SYCP2: variants seen among roughly 807,000 people sequenced by gnomAD.
SYCP2 encodes the protein synaptonemal complex lateral element protein.
In SYCP2, 55 loss-of-function variants were observed where a neutral mutation model predicts 211.3. The observed-to-expected ratio is 0.26, with a 90% CI of 0.21 to 0.33. SYCP2 has a LOEUF of 0.33. Ranked by LOEUF, SYCP2 falls within the 10% of genes least tolerant of loss-of-function variation. The pLI is 1.00. For missense variants in SYCP2, 1,731 were observed against 1,752.0 expected, an observed-to-expected ratio of 0.99 and a Z score of 0.21; for synonymous variants, 570 against 555.2, an observed-to-expected ratio of 1.03 and a Z score of -0.37.
At chr20:59,892,913 A>G (rs548083964) in intron 22 of SYCP2, among the ~76,000 whole-genome samples, 9 of 152,058 alleles carry the variant, frequency 5.9e-5, no homozygotes, top group African/African-American at 2.2e-4. Flanking sequence ...TTCATTGTTT[A>G]TACATTTTAA....
At chr20:59,876,072 CCTTT>C (rs1247658367) in intron 33 of SYCP2, among the ~76,000 whole-genome samples, 2 of 151,818 alleles carry the variant, frequency 1.3e-5, no homozygotes, top group Non-Finnish European at 2.9e-5. Flanking sequence ...TGGTAAACTT[CCTTT>C]AAGAAGTGAC....
At chr20:59,914,348 TAAG>T (rs531693447) in intron 10 of SYCP2, 97 bp from the exon 11 acceptor site, 358 of 602,986 alleles carry the variant, frequency 5.9e-4, no homozygotes, top group Non-Finnish European at 7.4e-4. Context: ...GCAAGAGAAA[TAAG>T]AATATATTAA....
At position 59,877,538 on chromosome 20, in the gene SYCP2, G is replaced by T. The variant is rs377578356; in HGVS notation, c.2997C>A (p.Ile999=). 9 of 1,590,648 alleles carry T rather than the reference G, an allele frequency of 5.7e-6. No homozygotes were observed. The highest frequency in any genetic ancestry group is 6.8e-6 in the Non-Finnish European group (8 of 1,174,326). Residue 999 remains isoleucine (I), a synonymous_variant, in exon 33 of 45, where the codon ATC becomes ATA. Coordinates refer to ENST00000357552, the MANE Select transcript of SYCP2 (RefSeq NM_014258.4). ...GAATTGTCTTGTCCATCTTTTTTGT[G>T]ATATTTTTACTGGGTGTCTTTAGGA... The part of the protein sequence containing the change: ...PSSKMTPSKN[I]TKKMDKTIPE...
intron 10 of SYCP2, 72 bp downstream of exon 10, chr20:59,915,093 T>C: frequency 4.0e-6 from 4 of 1,000,388 alleles, no homozygotes; most frequent in South Asian, 1.4e-5. Flanking sequence ...TATGCTAATA[T>C]TTAAATTAAA....
intron 30 of SYCP2, 80 bp from the exon 31 acceptor site, chr20:59,880,551 A>AC: frequency 1.3e-6 from 1 of 789,906 alleles, no homozygotes; most frequent in Non-Finnish European, 1.9e-6. Context: ...CAAAACAACA[A>AC]CAACAACAAA....
At chr20:59,882,316 T>G in intron 26 of SYCP2, 151 bp from the exon 27 acceptor site, 1 of 653,084 alleles carries the variant, frequency 1.5e-6, no homozygotes, top group East Asian at 2.7e-5. Context: ...CAATAACAGA[T>G]GCTAGTGAGG....
intron 2 of SYCP2, among the ~76,000 whole-genome samples, chr20:59,926,397 A>C (rs1283816320): frequency 6.6e-6 from 1 of 152,040 alleles, no homozygotes; most frequent in Non-Finnish European, 1.5e-5. Context: ...AGCTGCCGAC[A>C]TTCTTTGACT....
intron 2 of SYCP2, among the ~76,000 whole-genome samples, chr20:59,925,801 C>A: frequency 6.6e-6 from 1 of 152,072 alleles, no homozygotes; most frequent in East Asian, 1.9e-4. Flanking sequence ...CATGTAGGTA[C>A]TATAATTTAT....
At chr20:59,893,252 G>C (rs1176812058) in intron 21 of SYCP2, 53 bp from the exon 22 acceptor site, 2 of 1,179,874 alleles carry the variant, frequency 1.7e-6, no homozygotes. Context: ...AGTTGGCAGG[G>C]GGATAGGGAG....
At chr20:59,888,770 GAAGT>G (rs2059846130) in intron 24 of SYCP2, among the ~76,000 whole-genome samples, 2 of 151,932 alleles carry the variant, frequency 1.3e-5, no homozygotes. Context: ...AAAACTACTG[GAAGT>G]AATAAGCAAT....
chr20:59,920,884 T>G (rs2060528898), intron 4 of SYCP2, among the ~76,000 whole-genome samples: 1 of 151,696 alleles, frequency 6.6e-6, no homozygotes, highest in Non-Finnish European at 1.5e-5. Flanking sequence ...TTCTCATGTA[T>G]GAAAATGCCT....
chr20:59,929,882 G>A (rs935503798), intron 2 of SYCP2, among the ~76,000 whole-genome samples: 13 of 151,808 alleles, frequency 8.6e-5, no homozygotes, highest in Admixed American at 8.5e-4. Context: ...GAGGAGTGTA[G>A]TAAAGCATGG....
intron 18 of SYCP2, among the ~76,000 whole-genome samples, chr20:59,899,117 A>G (rs2060067751): frequency 6.6e-6 from 1 of 152,192 alleles, no homozygotes; most frequent in African/African-American, 2.4e-5. Flanking sequence ...ACAAAGTCCT[A>G]CGAGGAGGCT....
At chr20:59,903,114 T>C (rs1299416171) in intron 15 of SYCP2, among the ~76,000 whole-genome samples, 1 of 152,148 alleles carries the variant, frequency 6.6e-6, no homozygotes, top group African/African-American at 2.4e-5. Context: ...AAAATTTGTC[T>C]ACCTATGTTA....
chr20:59,886,713 A>T lies in SYCP2; in HGVS notation c.2486T>A (p.Ile829Asn). The change falls in exon 25 of 45, where the codon ATT becomes AAT. Residue 829 changes from isoleucine to asparagine, a missense_variant. Coordinates refer to ENST00000357552, the MANE Select transcript of SYCP2 (RefSeq NM_014258.4). ...KSTRKLKESL[I>N]NSGFSNKPVV... ...CTGAAATTTAAGAACATACCTGTTA[A>T]TCAAAGACTCCTTTAATTTTCTTGT... 1 of 1,557,970 alleles carries T rather than the reference A, an allele frequency of 6.4e-7. No homozygotes were observed.
intron 24 of SYCP2, among the ~76,000 whole-genome samples, chr20:59,889,667 G>A (rs6071003): frequency 0.02 from 3,084 of 151,862 alleles, 42 homozygotes; most frequent in Middle Eastern, 0.041. Context: ...TAAGATTATC[G>A]GAGTGGTTTA....
chr20:59,917,151 G>A (rs2060458589), intron 7 of SYCP2, among the ~76,000 whole-genome samples: 1 of 151,776 alleles, frequency 6.6e-6, no homozygotes, highest in Non-Finnish European at 1.5e-5. Flanking sequence ...TTTAGATTAA[G>A]TAAATATAGT....
At chr20:59,884,471 A>T (rs138205662) in intron 26 of SYCP2, among the ~76,000 whole-genome samples, 81 of 152,218 alleles carry the variant, frequency 5.3e-4, no homozygotes, top group African/African-American at 1.9e-3. Flanking sequence ...ATCACTAAAT[A>T]ATTGATTACT....
In SYCP2 at chr20:59,900,811, A is replaced by T; in HGVS notation, c.1190T>A (p.Ile397Asn). Reference protein sequence around the residue: ...IFGATKHRESIRKQGISVAKT... With the variant: ...IFGATKHRESNRKQGISVAKT... ...GGCAACTGAAATACCTTGTTTTCTG[A>T]TAGATTCCTAAAATTAAATCAATTC... Residue 397 changes from isoleucine (I) to asparagine (N), a missense_variant, in exon 17 of 45, where the codon ATC becomes AAC. This residue lies in a region of SYCP2 where 1,387 missense variants were observed against 1,351.3 expected (regional missense o/e 1.03). Coordinates refer to ENST00000357552, the MANE Select transcript of SYCP2 (RefSeq NM_014258.4). The T allele has an allele frequency of 6.2e-7, 1 of 1,609,318 alleles. No homozygotes were observed. The highest frequency in any genetic ancestry group is 1.3e-5 in the African/African-American group (1 of 74,910).
Sources: allele counts gnomAD v4.1 joint callset (sites outside exome capture counted in the v4.1 genomes callset), GRCh38; gene constraint gnomAD v4.1.1; regional missense constraint gnomAD v4.1.1; transcripts MANE v1.5; gene names NCBI Gene and HGNC (gene_info 2026-07-23, HGNC 2026-07-21).